The following MAX variants were observed in gnomAD, a reference collection of about 807,000 sequenced individuals.
MAX encodes protein max.
Under a neutral mutation model 22.3 loss-of-function variants are expected in MAX, and 3 were observed. That is an observed-to-expected ratio of 0.13 (90% CI 0.06 to 0.35). MAX has a LOEUF of 0.35. Among genes scored for constraint, MAX ranks in the 10% least tolerant of loss-of-function variants. The pLI is 1.00. For missense variants in MAX, 119 were observed against 209.4 expected, an observed-to-expected ratio of 0.57 and a Z score of 2.66; for synonymous variants, 72 against 77.7, an observed-to-expected ratio of 0.93 and a Z score of 0.39.
Position 65,083,323 on chromosome 14 carries a change from C to T in MAX, c.172-5287G>A, listed in dbSNP as rs141699982. On this transcript the variant is annotated intron_variant, in intron 3 of 4. Coordinates refer to ENST00000358664, the MANE Select transcript of MAX (RefSeq NM_002382.5). The stretch of plus-strand genomic sequence containing the variant: ...GGATTCTAAATAGAACCGTTTAAGG[C>T]CCCAAATGACTCCTGAAGTTGTTAG... Among the ~76,000 whole-genome samples, 1,220 of 152,336 alleles carry T rather than the reference C, an allele frequency of 8.0e-3. 6 individuals are homozygous for T. Among genetic ancestry groups the T allele is most frequent in the Non-Finnish European group, 0.013 (883 of 68,038 alleles).
rs2063273471 is a variant in MAX at position 65,084,354 on chromosome 14, C to A, written c.172-6318G>T. On this transcript the variant is annotated intron_variant, in intron 3 of 4. Transcript: ENST00000358664. The surrounding 1 kb of genome is among the most constrained non-coding windows in gnomAD (Gnocchi z 4.3). Reference sequence around the variant, plus strand: ...AATTTCACAAGTAATAAATAGAATACAAAATTACTAACTTTTGTTTACTGA... The same window carrying A: ...AATTTCACAAGTAATAAATAGAATAAAAAATTACTAACTTTTGTTTACTGA... 1.8e-6 allele frequency: 2 copies of A among 1,094,080 alleles called. No individual in the cohort carries two copies. The highest frequency in any genetic ancestry group is 2.8e-6 in the Non-Finnish European group (2 of 718,432). 67.8% of individuals were successfully genotyped at this position (1,094,080 alleles called of 1,614,324 possible).
intron 3 of MAX, among the ~76,000 whole-genome samples, chr14:65,085,101 G>C (rs2063296435): frequency 6.6e-6 from 1 of 152,126 alleles, no homozygotes; most frequent in African/African-American, 2.4e-5. Context: ...TGAATTTAAA[G>C]ACTTGGTGAA....
intron 3 of MAX, among the ~76,000 whole-genome samples, chr14:65,057,542 T>C (rs760661375): frequency 2.2e-4 from 33 of 152,132 alleles, no homozygotes; most frequent in Non-Finnish European, 3.8e-4. Flanking sequence ...ACTTAAGGAA[T>C]CTCTACCATT....
chr14:65,077,822 T>C lies in MAX; in HGVS notation c.295+91A>G. ...AGCCTGCTACTGAGCACATACTCCA[T>C]GACTGGCTCTGACTCTGCAGGCCCA... On this transcript the variant is annotated intron_variant, in intron 4 of 4. Coordinates refer to ENST00000358664, the MANE Select transcript of MAX (RefSeq NM_002382.5). The surrounding 1 kb of genome is among the most constrained non-coding windows in gnomAD (Gnocchi z 6.3). The C allele has an allele frequency of 6.2e-7, 1 of 1,614,162 alleles. No individual in the cohort carries two copies. Among genetic ancestry groups the C allele is most frequent in the Non-Finnish European group, 8.5e-7 (1 of 1,180,032 alleles).
rs954038344 is a variant in MAX, at chr14:65,013,257, A to T, written c.172-6973T>A. Among the ~76,000 whole-genome samples the T allele has an allele frequency of 7.9e-5, 12 of 152,202 alleles. 1 individual carries two copies. Among genetic ancestry groups the T allele is most frequent in the African/African-American group, 2.9e-4 (12 of 41,506 alleles). ...GGCTAACTGGAGACCCTGTGCCCTT[A>T]ACTTCTTTCCTGCCCATTACTGCCA... On this transcript the variant is annotated intron_variant, in intron 3 of 3. Transcript: ENST00000341653.
At chr14:65,102,561 G>A (rs1354197741), upstream of MAX, 9 of 1,443,766 alleles carry the variant, frequency 6.2e-6, no homozygotes, top group African/African-American at 5.7e-5. Context: ...GTCGGCCCCC[G>A]CCACGTGACC....
At chr14:65,086,588 T>C (rs558171683) in intron 3 of MAX, among the ~76,000 whole-genome samples, 1 of 152,126 alleles carries the variant, frequency 6.6e-6, no homozygotes, top group African/African-American at 2.4e-5. Context: ...AAGTGGAACT[T>C]TGAACTTCAC....
intron 3 of MAX, chr14:65,053,323 G>C (rs149471226): frequency 1.3e-5 from 19 of 1,439,832 alleles, no homozygotes; most frequent in African/African-American, 2.9e-5. Flanking sequence ...AGTGCCCTGC[G>C]GGGGGGCTTC....
At position 65,076,127 on chromosome 14, in the gene MAX, G is replaced by A. The variant is rs2063049772; in HGVS notation, c.*349C>T. 2.3e-6 allele frequency: 3 copies of A among 1,308,190 alleles called. No homozygotes were observed. Among genetic ancestry groups the A allele is most frequent in the Non-Finnish European group, 2.9e-6 (3 of 1,027,072 alleles). 81.0% of individuals were successfully genotyped at this position (1,308,190 alleles called of 1,614,324 possible). On this transcript the variant is annotated 3_prime_UTR_variant, in exon 5 of 5. Transcript: ENST00000358664. The surrounding 1 kb of genome is among the most constrained non-coding windows in gnomAD (Gnocchi z 6.6). The stretch of plus-strand genomic sequence containing the variant: ...GTCCCCCGGGCATGTGCCCGGCAGG[G>A]CTGGAGGAGCTGGTAGGGTGGGCAG...
chr14:65,043,502 C>T (rs983222518), intron 3 of MAX, among the ~76,000 whole-genome samples: 2 of 152,166 alleles, frequency 1.3e-5, no homozygotes, highest in African/African-American at 4.8e-5. Context: ...AAGTAAAAGT[C>T]AGGAGCAGTT....
rs187452348 is a variant in MAX at position 65,049,112 on chromosome 14, G to A, written c.172-42828C>T. ...GTTGCACTCCAGCCTGGGTAACAGG[G>A]CAGGACTCCGTCTAAAAAAAAAAAA... On this transcript the variant is annotated intron_variant, in intron 3 of 3. Transcript: ENST00000341653. Among the ~76,000 whole-genome samples the A allele has an allele frequency of 4.8e-4, 69 of 144,108 alleles. 1 individual carries two copies. Among genetic ancestry groups the A allele is most frequent in the Non-Finnish European group, 4.2e-4 (28 of 66,396 alleles). The allele number at this position is 144,108 out of a possible 152,430, so 94.5% of individuals were successfully genotyped here. A position where few individuals can be genotyped will look rare whatever the true frequency, so the allele number is the denominator to read the frequency against.
At chr14:65,025,914 A>G (rs1015306493) in intron 3 of MAX, among the ~76,000 whole-genome samples, 1 of 152,238 alleles carries the variant, frequency 6.6e-6, no homozygotes. Flanking sequence ...AAAAAGAAGT[A>G]TGTGTTGTTT....
At chr14:65,016,916 C>T (rs990517475) in intron 3 of MAX, among the ~76,000 whole-genome samples, 5 of 132,642 alleles carry the variant, frequency 3.8e-5, no homozygotes, top group East Asian at 2.3e-4. Flanking sequence ...GAAAGGCCCA[C>T]GTGGTTTTTT....
At chr14:65,055,510 T>C (rs1484114783) in intron 3 of MAX, among the ~76,000 whole-genome samples, 1 of 152,136 alleles carries the variant, frequency 6.6e-6, no homozygotes, top group Non-Finnish European at 1.5e-5. Flanking sequence ...AAAAATTTTT[T>C]TTTTAATTTT....
chr14:65,102,434 C>T lies in MAX; in HGVS notation c.-95G>A. 6 of 1,555,474 alleles carry T rather than the reference C, an allele frequency of 3.9e-6. No individual in the cohort carries two copies. The highest frequency in any genetic ancestry group is 2.4e-5 in the South Asian group (2 of 84,632). ...TCACCGACAACAACAAGCCGAGTCC[C>T]CCCCACACACACACTCACTCACTCA... On this transcript the variant is annotated 5_prime_UTR_variant, in exon 1 of 5. Coordinates refer to ENST00000358664, the MANE Select transcript of MAX (RefSeq NM_002382.5).
At chr14:65,064,589 T>C (rs989404608) in intron 3 of MAX, among the ~76,000 whole-genome samples, 1 of 152,204 alleles carries the variant, frequency 6.6e-6, no homozygotes, top group African/African-American at 2.4e-5. Flanking sequence ...CCAGCGAGTA[T>C]CATTGTGTTT....
intron 3 of MAX, chr14:65,040,805 AG>A: frequency 6.2e-7 from 1 of 1,613,290 alleles, no homozygotes; most frequent in Non-Finnish European, 8.5e-7. Flanking sequence ...AGAACTGGGA[AG>A]GTGGCATTGG....
chr14:65,093,615 C>T lies in MAX; in HGVS notation c.171+93G>A. The T allele has an allele frequency of 1.3e-6, 1 of 776,374 alleles. No individual in the cohort carries two copies. The highest frequency in any genetic ancestry group is 2.5e-5 in the East Asian group (1 of 40,684). The allele number at this position is 776,374 out of a possible 1,614,324, so 48.1% of individuals were successfully genotyped here. ...CATGCTACCTGAATATCTCTGACTA[C>T]ATTTCCTTCCCAATAGGTGAGTGCT... On this transcript the variant is annotated intron_variant, in intron 3 of 4. Coordinates refer to ENST00000358664, the MANE Select transcript of MAX (RefSeq NM_002382.5). The surrounding 1 kb of genome is among the most constrained non-coding windows in gnomAD (Gnocchi z 4.4).
intron 3 of MAX, chr14:65,061,127 A>G (rs1265843525): frequency 6.2e-7 from 1 of 1,601,494 alleles, no homozygotes; most frequent in Non-Finnish European, 8.5e-7. Context: ...AGGATGTGTT[A>G]TGTTTTCAAG....
Sources: gnomAD v4.1 joint callset for allele counts (sites outside exome capture counted in the v4.1 genomes callset) on GRCh38, gnomAD v4.1.1 for gene constraint, Gnocchi (gnomAD v3.1) non-coding constraint, MANE v1.5 for transcripts, NCBI Gene and HGNC (gene_info 2026-07-23, HGNC 2026-07-21) for gene names.